PHYHIPL: variants seen among roughly 807,000 people sequenced by gnomAD.
The protein encoded by PHYHIPL is phytanoyl-CoA 2-hydroxylase interacting protein like.
PHYHIPL carries 9 observed loss-of-function variants against 33.4 expected under a neutral mutation model. The ratio of observed to expected loss-of-function variants is 0.27; its 90% confidence interval spans 0.16 to 0.47. The LOEUF is 0.47. PHYHIPL is among the 20% of genes least tolerant of loss of function. The pLI, the probability that PHYHIPL is intolerant of heterozygous loss-of-function variation, is 0.99. For missense variants in PHYHIPL, 365 were observed against 460.7 expected (o/e 0.79, Z 1.90); for synonymous variants, 153 against 154.1 (o/e 0.99, Z 0.05).
At chr10:59,182,392 G>T (rs1025240831) in intron 1 of PHYHIPL, among the ~76,000 whole-genome samples, 5 of 151,978 alleles carry the variant, frequency 3.3e-5, no homozygotes, top group Non-Finnish European at 7.4e-5. Flanking sequence ...ACCCAGGCTG[G>T]AATGCAGTGG....
At chr10:59,180,210 C>T (rs1161604154) in intron 1 of PHYHIPL, among the ~76,000 whole-genome samples, 1 of 148,396 alleles carries the variant, frequency 6.7e-6, no homozygotes, top group Non-Finnish European at 1.5e-5. Context: ...CCACCCCACA[C>T]ACAGAATTTT....
intron 1 of PHYHIPL, chr10:59,183,686 CA>C: frequency 1.0e-6 from 1 of 984,596 alleles, no homozygotes; most frequent in African/African-American, 1.7e-5. Flanking sequence ...TGAGTTGAAC[CA>C]AGAACGTCAT....
At chr10:59,188,866 A>C (rs2133195691) in intron 1 of PHYHIPL, among the ~76,000 whole-genome samples, 1 of 152,172 alleles carries the variant, frequency 6.6e-6, no homozygotes, top group African/African-American at 2.4e-5. Flanking sequence ...GTGTCTCTGC[A>C]CGTGAGATGG....
intron 1 of PHYHIPL, among the ~76,000 whole-genome samples, chr10:59,182,915 G>T (rs1838449710): frequency 6.6e-6 from 1 of 152,072 alleles, no homozygotes; most frequent in Non-Finnish European, 1.5e-5. Flanking sequence ...GACAGGAAAG[G>T]AGAAAAAGAG....
At chr10:59,176,556 TATA>T (rs1455414694), upstream of PHYHIPL, 214 of 73,204 alleles carry the variant, frequency 2.9e-3, 4 homozygotes, top group Admixed American at 0.011. Context: ...GTCGAAGCCC[TATA>T]CATCACGTTC....
intron 3 of PHYHIPL, among the ~76,000 whole-genome samples, chr10:59,238,320 A>T (rs117783548): frequency 0.014 from 2,150 of 152,082 alleles, 22 homozygotes; most frequent in Middle Eastern, 0.065. Flanking sequence ...ATTTAACTTA[A>T]TTTTTGTTTC....
chr10:59,244,939 G>C (rs943268675), intron 4 of PHYHIPL, 118 bp from the exon 5 acceptor site: 7 of 1,007,544 alleles, frequency 6.9e-6, no homozygotes, highest in African/African-American at 6.6e-5. Context: ...TATTCTGATA[G>C]TAAGAGAGGT....
chr10:59,209,763 C>A (rs1839393575), intron 1 of PHYHIPL, among the ~76,000 whole-genome samples: 1 of 152,094 alleles, frequency 6.6e-6, no homozygotes, highest in African/African-American at 2.4e-5. Context: ...GAAATAACAC[C>A]ACACATCTGC....
intron 1 of PHYHIPL, among the ~76,000 whole-genome samples, chr10:59,196,776 A>T (rs537497904): frequency 6.6e-6 from 1 of 152,156 alleles, no homozygotes; most frequent in African/African-American, 2.4e-5. Flanking sequence ...TTAAGAATAG[A>T]TTTGTATTAT....
Position 59,245,506 on chromosome 10 carries a change from CT to C in PHYHIPL, c.1047del (p.Gly350ValfsTer5). 6.2e-7 allele frequency: 1 copy of C among 1,614,178 alleles called. No individual in the cohort carries two copies. The highest frequency in any genetic ancestry group is 8.5e-7 in the Non-Finnish European group (1 of 1,180,012). On this transcript the variant is annotated frameshift_variant, in exon 5 of 5. Coordinates refer to ENST00000373880, the MANE Select transcript of PHYHIPL (RefSeq NM_032439.4). LOFTEE classifies it high-confidence loss of function. ...DLSVGTVAEITGHQLMSLSTA... is the reference protein window; with the variant it reads ...DLSVGTVAEIXGHQLMSLSTA... ...TCTGTGGGCACCGTGGCAGAAATCACTGGTCATCAGCTCATGAGTTTGTCTA... is the reference window on the plus strand; with the variant it reads ...TCTGTGGGCACCGTGGCAGAAATCACGGTCATCAGCTCATGAGTTTGTCTA...
chr10:59,230,743 A>G (rs1308612699), intron 1 of PHYHIPL, among the ~76,000 whole-genome samples: 2 of 152,148 alleles, frequency 1.3e-5, no homozygotes, highest in Non-Finnish European at 2.9e-5. Context: ...GCTTTTATAC[A>G]TTTTATGGAG....
intron 4 of PHYHIPL, among the ~76,000 whole-genome samples, chr10:59,241,313 T>G (rs1840387702): frequency 6.6e-6 from 1 of 151,116 alleles, no homozygotes; most frequent in Non-Finnish European, 1.5e-5. Context: ...TAATCCATTT[T>G]GAATTATGAA....
chr10:59,245,002 A>G, intron 4 of PHYHIPL, 55 bp from the exon 5 acceptor site: 1 of 1,526,002 alleles, frequency 6.6e-7, no homozygotes, highest in African/African-American at 1.4e-5. Flanking sequence ...AAATATATAA[A>G]TCAGTGGGTT....
intron 1 of PHYHIPL, among the ~76,000 whole-genome samples, chr10:59,211,515 T>C (rs1839440205): frequency 6.6e-6 from 1 of 151,866 alleles, no homozygotes; most frequent in Non-Finnish European, 1.5e-5. Flanking sequence ...TAGCTAAGAT[T>C]ACAGGTGCAT....
chr10:59,240,573 A>G (rs1404757861), intron 4 of PHYHIPL, among the ~76,000 whole-genome samples: 4 of 152,036 alleles, frequency 2.6e-5, no homozygotes, highest in African/African-American at 9.7e-5. Flanking sequence ...TTTTCACACC[A>G]TCATAAAGTC....
At chr10:59,199,109 T>C (rs1839017500) in intron 1 of PHYHIPL, among the ~76,000 whole-genome samples, 1 of 152,194 alleles carries the variant, frequency 6.6e-6, no homozygotes, top group Admixed American at 6.5e-5. Flanking sequence ...GCTTTTGGTG[T>C]TTTAGACATG....
Position 59,247,746 on chromosome 10 carries a change from C to G in PHYHIPL, c.*2155C>G. The G allele has an allele frequency of 1.2e-6, 2 of 1,604,848 alleles. No individual in the cohort carries two copies. The highest frequency in any genetic ancestry group is 1.7e-6 in the Non-Finnish European group (2 of 1,176,126). ...CTTCCTTTTGTGGACTTCTGCAAAA[C>G]AAAAATACATTTGTTAGTTCACAAT... is the stretch of plus-strand genomic sequence containing the variant. On this transcript the variant is annotated 3_prime_UTR_variant, in exon 5 of 5. Coordinates refer to ENST00000373880, the MANE Select transcript of PHYHIPL (RefSeq NM_032439.4).
At chr10:59,230,705 T>C (rs183120868) in intron 1 of PHYHIPL, among the ~76,000 whole-genome samples, 1 of 152,298 alleles carries the variant, frequency 6.6e-6, no homozygotes, top group East Asian at 1.9e-4. Context: ...CCTGACGACA[T>C]GTGCCCAAGG....
At position 59,245,848 on chromosome 10, in the gene PHYHIPL, A is replaced by G. The variant is rs1443658896; in HGVS notation, c.*257A>G. ...TGACACTTTATTGCCTAGATGCTGC[A>G]ATGTTTTTATGTTTCCTTTATGCCA... On this transcript the variant is annotated 3_prime_UTR_variant, in exon 5 of 5. Coordinates refer to ENST00000373880, the MANE Select transcript of PHYHIPL (RefSeq NM_032439.4). 2.3e-6 allele frequency: 1 copy of G among 428,886 alleles called. No homozygotes were observed. The highest frequency in any genetic ancestry group is 4.2e-6 in the Non-Finnish European group (1 of 240,240). The allele number at this position is 428,886 out of a possible 1,614,324, so 26.6% of individuals were successfully genotyped here.
Sources: gnomAD v4.1 joint callset for allele counts (sites outside exome capture counted in the v4.1 genomes callset) on GRCh38, gnomAD v4.1.1 for gene constraint, MANE v1.5 for transcripts, NCBI Gene and HGNC (gene_info 2026-07-23, HGNC 2026-07-21) for gene names.